TRPM5: variants seen among roughly 807,000 people sequenced by gnomAD.
The protein encoded by TRPM5 is transient receptor potential cation channel subfamily M member 5.
A neutral mutation model predicts 124.9 loss-of-function variants in TRPM5; 121 were observed. That is an observed-to-expected ratio of 0.97 (90% CI 0.84 to 1.13). The LOEUF (loss-of-function observed/expected upper bound fraction) is 1.13. TRPM5 is among the 50% of genes most tolerant of loss of function. The pLI is 0.00. For synonymous variants in TRPM5, 781 were observed against 700.5 expected, an observed-to-expected ratio of 1.11 and a Z score of -1.81; for missense variants, 1,643 against 1,589.1, an observed-to-expected ratio of 1.03 and a Z score of -0.58.
At chr11:2,414,575 C>T (rs1423142279) in intron 11 of TRPM5, 140 bp downstream of exon 16, 4 of 1,242,832 alleles carry the variant, frequency 3.2e-6, no homozygotes, top group Non-Finnish European at 4.3e-6. Flanking sequence ...TCTGTCCTCT[C>T]CTATGGAGGA....
chr11:2,414,163 G>A lies in TRPM5; in HGVS notation c.1788C>T (p.Phe596=), dbSNP rs763189993. The change falls in exon 12 of 24, where the codon TTC becomes TTT. Residue 596 remains phenylalanine (F), a synonymous_variant. Transcript: ENST00000155858. ...AGCGGTTCCGGCGCACCAGCAGGGCGAAGGCGCGGGCCTCACTGTTGCTGT... is the reference window on the plus strand; with the variant it reads ...AGCGGTTCCGGCGCACCAGCAGGGCAAAGGCGCGGGCCTCACTGTTGCTGT... 16 of 1,609,522 alleles carry A rather than the reference G, an allele frequency of 9.9e-6. No individual in the cohort carries two copies. In the Admixed American group the frequency reaches 1.2e-4, roughly 12 times the overall value.
At chr11:2,422,423 A>T in intron 1 of TRPM5, 102 bp from the exon 7 acceptor site, 1 of 572,962 alleles carries the variant, frequency 1.7e-6, no homozygotes, top group Non-Finnish European at 2.4e-6. Flanking sequence ...GGAGGTGCTG[A>T]GCATGGGGGG....
intron 18 of TRPM5, chr11:2,410,669 C>T (rs1301745306): frequency 2.2e-6 from 1 of 454,602 alleles, no homozygotes; most frequent in South Asian, 1.6e-5. Context: ...CCCGCCCCCT[C>T]CCCACTGCAC....
Position 2,405,559 on chromosome 11 carries a change from G to A in TRPM5, c.3359C>T (p.Ala1120Val), listed in dbSNP as rs747622576. The change falls in exon 23 of 24, where the codon GCT becomes GTT. Residue 1120 changes from alanine (A) to valine (V), a missense_variant. Coordinates refer to ENST00000155858, the Ensembl canonical transcript of TRPM5. ...GCCGCCACCCTGGGCCAGCACGTCA[G>A]CCACGGAGGACACGAGCACCGAGCA... is the stretch of plus-strand genomic sequence containing the variant. The A allele has an allele frequency of 9.6e-6, 15 of 1,566,076 alleles. No homozygotes were observed. In the Admixed American group the frequency reaches 1.7e-4, roughly 18 times the overall value.
chr11:2,414,027 CT>C lies in TRPM5; in HGVS notation c.1890+33del, dbSNP rs374294296. On this transcript the variant is annotated intron_variant, in intron 12 of 23. Transcript: ENST00000155858. ...CCAGCTCGCCCGCCCACCCCACCCC[CT>C]GGCAGCTCTCCTCGAGGACAGCTGG... The C allele has an allele frequency of 2.0e-3, 3,106 of 1,542,440 alleles. 66 individuals carry two copies. The African/African-American group carries it at 0.038, about 19-fold the overall frequency.
At chr11:2,405,670 C>T (rs1181381176) in intron 22 of TRPM5, 77 bp from the exon 28 acceptor site, 7 of 1,470,124 alleles carry the variant, frequency 4.8e-6, no homozygotes, top group Admixed American at 4.0e-5. Context: ...CCCCATCTCC[C>T]CTCTCCTGCC....
rs201698156 is a variant in TRPM5 at position 2,413,027 on chromosome 11, A to G, written c.2097-15T>C. The G allele has an allele frequency of 1.2e-4, 186 of 1,595,532 alleles. 3 individuals are homozygous for G. The East Asian group carries it at 4.1e-3, about 35-fold the overall frequency. Reference sequence around the variant, plus strand: ...GCTCCTCCACCCTGTGCCGCAGAGAAGTTCGCAGTGGTGAGGCTGGCGCCC... The same window carrying G: ...GCTCCTCCACCCTGTGCCGCAGAGAGGTTCGCAGTGGTGAGGCTGGCGCCC... On this transcript the variant is annotated splice_polypyrimidine_tract_variant and intron_variant, in intron 14 of 23. Coordinates refer to ENST00000155858, the Ensembl canonical transcript of TRPM5.
chr11:2,414,011 C>CCCCCCCCCCCCCCCCCCCCCCCCCA, intron 12 of TRPM5, 50 bp downstream of exon 17: 1 of 482,246 alleles, frequency 2.1e-6, no homozygotes, highest in Non-Finnish European at 4.1e-6. Context: ...CCCAGCTCGC[C>CCCCCCCCCCCCCCCCCCCCCCCCCA]CGCCCACCCC....
At chr11:2,420,273 G>T in exon 4 of TRPM5, 1 of 1,611,804 alleles carries the variant, frequency 6.2e-7, no homozygotes, top group Non-Finnish European at 8.5e-7. Context: ...CTCAGCCGCA[G>T]CTCCGTCAGC....
At chr11:2,438,462 C>T in the TRPM5 span, among the ~76,000 whole-genome samples, 2 of 152,054 alleles carry the variant, frequency 1.3e-5, no homozygotes, top group Admixed American at 6.6e-5. This position sits in a 1 kb window ranked among gnomAD's most constrained non-coding sequence, Gnocchi z 5.9. Flanking sequence ...TCCAGGAGTT[C>T]GAGACCAGCC....
In TRPM5 at chr11:2,414,902, C is replaced by T; in HGVS notation, c.1620+5G>A. ...CCCCGCGCTGGGCCCGCGGCCTGGG[C>T]TCACCATGGCCCAGAAGTAGGTGGC... On this transcript the variant is annotated splice_donor_5th_base_variant and intron_variant, in intron 10 of 23. Transcript: ENST00000155858. 1.2e-6 allele frequency: 2 copies of T among 1,603,168 alleles called. No individual in the cohort carries two copies. Among genetic ancestry groups the T allele is most frequent in the Non-Finnish European group, 1.7e-6 (2 of 1,176,396 alleles).
chr11:2,408,797 A>G (rs1357952637), intron 18 of TRPM5, among the ~76,000 whole-genome samples: 1 of 152,106 alleles, frequency 6.6e-6, no homozygotes, highest in Non-Finnish European at 1.5e-5. Context: ...GCCGTCCAGG[A>G]CCACATATCC....
At chr11:2,414,009 G>GGGCGGCCCCCCCCCCCCCCCC in intron 12 of TRPM5, 52 bp downstream of exon 17, 2 of 1,023,734 alleles carry the variant, frequency 2.0e-6, no homozygotes, top group Non-Finnish European at 2.9e-6. Context: ...GGCCCAGCTC[G>GGGCGGCCCCCCCCCCCCCCCC]CCCGCCCACC....
At chr11:2,443,677 T>C in the TRPM5 span, among the ~76,000 whole-genome samples, 2 of 148,674 alleles carry the variant, frequency 1.3e-5, no homozygotes, top group African/African-American at 2.6e-5. This position sits in a 1 kb window ranked among gnomAD's most constrained non-coding sequence, Gnocchi z 5.0. Flanking sequence ...TGACCCAGGG[T>C]GCTCAGGGAC....
chr11:2,410,573 A>G, intron 18 of TRPM5: 2 of 356,714 alleles, frequency 5.6e-6, no homozygotes, highest in Admixed American at 3.4e-5. Flanking sequence ...CAGCCATCCC[A>G]GGGGCCTGCA....
chr11:2,411,758 C>G, exon 17 of TRPM5: 9 of 1,612,512 alleles, frequency 5.6e-6, no homozygotes, highest in Non-Finnish European at 7.6e-6. Flanking sequence ...CAAACGCCGA[C>G]GGCAGCATCC....
At chr11:2,404,933 C>G in exon 24 of TRPM5, 1 of 1,610,738 alleles carries the variant, frequency 6.2e-7, no homozygotes, top group Non-Finnish European at 8.5e-7. Flanking sequence ...GCAGGCCAAG[C>G]AGCTCAGGTG....
At chr11:2,438,798 C>T in the TRPM5 span, among the ~76,000 whole-genome samples, 8 of 152,318 alleles carry the variant, frequency 5.3e-5, no homozygotes, top group South Asian at 2.1e-4. The surrounding 1 kb of genome is among the most constrained non-coding windows in gnomAD (Gnocchi z 5.9). Context: ...AAACTACCAA[C>T]GTCATTTTTC....
At chr11:2,423,589 A>C (rs571221481), upstream of TRPM5, among the ~76,000 whole-genome samples, 5 of 152,258 alleles carry the variant, frequency 3.3e-5, no homozygotes, top group South Asian at 1.0e-3. Context: ...TTCCTTGCCC[A>C]GGAGGTCCAG....
Sources: gnomAD v4.1 joint callset for allele counts (sites outside exome capture counted in the v4.1 genomes callset) on GRCh38, gnomAD v4.1.1 for gene constraint, Gnocchi (gnomAD v3.1) non-coding constraint, MANE v1.5 for transcripts, NCBI Gene and HGNC (gene_info 2026-07-23, HGNC 2026-07-21) for gene names.